TAX1BP1: variants seen among roughly 807,000 people sequenced by gnomAD.
TAX1BP1 encodes the protein tax1-binding protein 1.
In TAX1BP1, 62 loss-of-function variants were observed where a neutral mutation model predicts 97.7. That is an observed-to-expected ratio of 0.63 (90% CI 0.52 to 0.78). The LOEUF (loss-of-function observed/expected upper bound fraction) is 0.78, where lower values mean the gene tolerates loss of function less well. Among genes scored for constraint, TAX1BP1 ranks in the 30% least tolerant of loss-of-function variants. TAX1BP1 has a pLI of 0.00. For synonymous variants in TAX1BP1, 340 were observed against 304.2 expected (o/e 1.12, Z -1.23); for missense variants, 867 against 916.1 (o/e 0.95, Z 0.69).
chr7:27,744,563 A>T (rs1337979865), intron 1 of TAX1BP1, among the ~76,000 whole-genome samples: 4 of 152,266 alleles, frequency 2.6e-5, no homozygotes, highest in Non-Finnish European at 5.9e-5. Context: ...TATCTAAATT[A>T]AAAAGCTTAA....
chr7:27,803,284 C>A, intron 13 of TAX1BP1: 1 of 1,096,580 alleles, frequency 9.1e-7, no homozygotes. Context: ...GTACAATGTT[C>A]AAATTTAGGA....
intron 15 of TAX1BP1, among the ~76,000 whole-genome samples, chr7:27,822,191 A>G (rs1015327331): frequency 6.6e-6 from 1 of 152,202 alleles, no homozygotes; most frequent in Non-Finnish European, 1.5e-5. Flanking sequence ...AATCTGAAAC[A>G]CTTCTGTTCC....
At chr7:27,762,283 A>G (rs1788457674) in intron 3 of TAX1BP1, among the ~76,000 whole-genome samples, 1 of 152,188 alleles carries the variant, frequency 6.6e-6, no homozygotes, top group African/African-American at 2.4e-5. Flanking sequence ...AGATAATAAA[A>G]TTTAGGTGTG....
chr7:27,769,920 G>T (rs1361981562), intron 5 of TAX1BP1, 86 bp downstream of exon 5: 6 of 1,328,294 alleles, frequency 4.5e-6, no homozygotes, highest in Non-Finnish European at 6.3e-6. Flanking sequence ...AATTAAGTAA[G>T]TGAAAACCAG....
intron 2 of TAX1BP1, among the ~76,000 whole-genome samples, chr7:27,754,595 G>C (rs1419263534): frequency 6.6e-6 from 1 of 151,726 alleles, no homozygotes; most frequent in African/African-American, 2.4e-5. Flanking sequence ...TGTTTTTTGA[G>C]ACAGTCTCGC....
intron 15 of TAX1BP1, among the ~76,000 whole-genome samples, chr7:27,824,164 T>A (rs749277715): frequency 1.2e-3 from 188 of 152,308 alleles, no homozygotes; most frequent in Non-Finnish European, 1.9e-3. Context: ...GATAATATGG[T>A]AATTTTATTT....
intron 13 of TAX1BP1, among the ~76,000 whole-genome samples, chr7:27,812,985 G>A (rs1047821605): frequency 1.3e-5 from 2 of 152,158 alleles, no homozygotes; most frequent in Non-Finnish European, 2.9e-5. Flanking sequence ...CAGAGACTGT[G>A]TGGCCTACAA....
At chr7:27,753,404 C>G (rs1022339764) in intron 2 of TAX1BP1, among the ~76,000 whole-genome samples, 4 of 152,136 alleles carry the variant, frequency 2.6e-5, no homozygotes, top group African/African-American at 9.7e-5. Context: ...GAGTTTTGTT[C>G]CGTTTTGTGT....
intron 13 of TAX1BP1, among the ~76,000 whole-genome samples, chr7:27,803,650 T>C (rs988160065): frequency 1.3e-5 from 2 of 152,232 alleles, no homozygotes; most frequent in Admixed American, 6.5e-5. Flanking sequence ...TTAGTAGTTA[T>C]TGTATTCATC....
chr7:27,807,656 C>T (rs964775888), intron 13 of TAX1BP1, among the ~76,000 whole-genome samples: 5 of 151,952 alleles, frequency 3.3e-5, no homozygotes, highest in African/African-American at 7.3e-5. Context: ...AATATTTTCC[C>T]TTTGTAATTA....
chr7:27,778,613 C>G (rs1789125090), intron 5 of TAX1BP1, among the ~76,000 whole-genome samples: 2 of 151,842 alleles, frequency 1.3e-5, no homozygotes. Flanking sequence ...GCCTGTAATC[C>G]CAGCACTTTG....
chr7:27,766,148 C>A, intron 4 of TAX1BP1, 127 bp downstream of exon 4: 1 of 933,588 alleles, frequency 1.1e-6, no homozygotes, highest in Non-Finnish European at 1.6e-6. Flanking sequence ...TGGCTGGGCG[C>A]AGTGGCTCAC....
At chr7:27,747,189 G>A (rs1231647223) in intron 1 of TAX1BP1, among the ~76,000 whole-genome samples, 1 of 152,180 alleles carries the variant, frequency 6.6e-6, no homozygotes, top group Non-Finnish European at 1.5e-5. Flanking sequence ...GACAGTCATA[G>A]TTTCTTATGT....
intron 10 of TAX1BP1, among the ~76,000 whole-genome samples, 170 bp from the exon 11 acceptor site, chr7:27,794,153 A>G (rs1415498589): frequency 6.6e-6 from 1 of 152,202 alleles, no homozygotes; most frequent in Non-Finnish European, 1.5e-5. Flanking sequence ...CAGTTAGCAA[A>G]ATGATGTGTA....
chr7:27,821,680 A>G (rs1489258654), intron 15 of TAX1BP1, among the ~76,000 whole-genome samples: 2 of 151,990 alleles, frequency 1.3e-5, no homozygotes, highest in Non-Finnish European at 2.9e-5. Flanking sequence ...AGCTTGAGAT[A>G]TAATTCACAT....
intron 15 of TAX1BP1, among the ~76,000 whole-genome samples, chr7:27,819,395 A>T (rs1790891942): frequency 6.6e-6 from 1 of 152,218 alleles, no homozygotes; most frequent in African/African-American, 2.4e-5. Flanking sequence ...TTAGAATCAG[A>T]TTGGACAAGC....
chr7:27,825,235 C>CTT (rs767330487), intron 15 of TAX1BP1, among the ~76,000 whole-genome samples: 2 of 139,708 alleles, frequency 1.4e-5, no homozygotes, highest in African/African-American at 5.2e-5. Flanking sequence ...TTCCCAGTAG[C>CTT]TTTTTTTTTT....
At chr7:27,801,639 T>C (rs1790141110) in intron 13 of TAX1BP1, among the ~76,000 whole-genome samples, 1 of 152,184 alleles carries the variant, frequency 6.6e-6, no homozygotes, top group Non-Finnish European at 1.5e-5. Context: ...GCTAGAAGTG[T>C]AATGGTAGTA....
Position 27,794,408 on chromosome 7 carries a change from C to T in TAX1BP1, c.1496C>T (p.Ser499Phe). ...TCAGTAAACACAGACCCAGCCACTTCTGCCTCTACTGTAGATGTAAAGCCA... is the reference window on the plus strand; with the variant it reads ...TCAGTAAACACAGACCCAGCCACTTTTGCCTCTACTGTAGATGTAAAGCCA... ...DASVNTDPAT[S>F]ASTVDVKPSP... Residue 499 changes from serine to phenylalanine, a missense_variant, in exon 11 of 17, where the codon TCT becomes TTT. Around this residue, in one of 3 missense-constraint regions of TAX1BP1, gnomAD observed 822 missense variants for 851.4 expected, o/e 0.97. Coordinates refer to ENST00000396319, the MANE Select transcript of TAX1BP1 (RefSeq NM_006024.7). 6.2e-7 allele frequency: 1 copy of T among 1,612,758 alleles called. No homozygotes were observed. Among genetic ancestry groups the T allele is most frequent in the Non-Finnish European group, 8.5e-7 (1 of 1,179,354 alleles).
Sources: gnomAD v4.1 joint callset for allele counts (sites outside exome capture counted in the v4.1 genomes callset) on GRCh38, gnomAD v4.1.1 for gene constraint, gnomAD v4.1.1 regional missense constraint, MANE v1.5 for transcripts, NCBI Gene and HGNC (gene_info 2026-07-23, HGNC 2026-07-21) for gene names.